The following LRCH3 variants were observed in gnomAD, a reference collection of about 807,000 sequenced individuals.
LRCH3 encodes leucine rich repeats and calponin homology domain containing 3, also known as DISP complex protein LRCH3.
LRCH3 carries 68 observed loss-of-function variants against 104.5 expected under a neutral mutation model. The observed-to-expected ratio is 0.65, with a 90% CI of 0.54 to 0.80. The LOEUF is 0.80. Ranked by LOEUF, LRCH3 falls within the 30% of genes least tolerant of loss-of-function variation. LRCH3 has a pLI of 0.00. For missense variants in LRCH3, 951 were observed against 953.9 expected (o/e 1.00, Z 0.04); for synonymous variants, 344 against 361.3 (o/e 0.95, Z 0.54).
At position 197,883,567 on chromosome 3, in the gene LRCH3, T is replaced by A; in HGVS notation, c.2235T>A (p.Ile745=). The change falls in exon 21 of 21, where the codon ATT becomes ATA. Residue 745 remains isoleucine, a synonymous_variant. Transcript: ENST00000425562. The surrounding 1 kb of genome is among the most constrained non-coding windows in gnomAD (Gnocchi z 4.2). ...PQEQLCLPLH[I]LEEKGLSQVA... The stretch of plus-strand genomic sequence containing the variant: ...AGCAATTATGTTTGCCTCTCCACAT[T>A]TTAGAAGAGAAAGGTTTGAGCCAGG... 1 of 1,536,010 alleles carries A rather than the reference T, an allele frequency of 6.5e-7. No individual in the cohort carries two copies. Among genetic ancestry groups the A allele is most frequent in the East Asian group, 2.4e-5 (1 of 40,918 alleles).
At chr3:197,798,361 A>G (rs918758273) in intron 1 of LRCH3, among the ~76,000 whole-genome samples, 1 of 152,256 alleles carries the variant, frequency 6.6e-6, no homozygotes, top group Admixed American at 6.5e-5. Flanking sequence ...CACAAGGCAA[A>G]TAAGAGTCAT....
rs559947361 is a variant in LRCH3 at position 197,829,907 on chromosome 3, T to A, written c.887+234T>A. Among the ~76,000 whole-genome samples the A allele has an allele frequency of 4.6e-5, 7 of 152,348 alleles. No homozygotes were observed. In the East Asian group the frequency reaches 1.3e-3, roughly 29 times the overall value. On this transcript the variant is annotated intron_variant, in intron 6 of 20. Transcript: ENST00000425562. ...TAGATCAGATAATTCTTTGTTGTGATGGGCTGTCCTGTACATTGTAAGACA... is the reference window on the plus strand; with the variant it reads ...TAGATCAGATAATTCTTTGTTGTGAAGGGCTGTCCTGTACATTGTAAGACA...
chr3:197,854,471 T>G lies in LRCH3; in HGVS notation c.1644+26T>G. ...GTAAGAGTTTTGCACAAAACGGAGT[T>G]TCGCATTTCTGTGTTTAGAGATTGT... On this transcript the variant is annotated intron_variant, in intron 14 of 20. Transcript: ENST00000425562. This position sits in a 1 kb window ranked among gnomAD's most constrained non-coding sequence, Gnocchi z 4.5. 2 of 1,607,526 alleles carry G rather than the reference T, an allele frequency of 1.2e-6. No individual in the cohort carries two copies. Among genetic ancestry groups the G allele is most frequent in the Non-Finnish European group, 1.7e-6 (2 of 1,173,934 alleles).
At chr3:197,829,455 T>C in intron 5 of LRCH3, 109 bp from the exon 6 acceptor site, 2 of 605,190 alleles carry the variant, frequency 3.3e-6, no homozygotes, top group Non-Finnish European at 5.7e-6. Flanking sequence ...ATGTACTTGA[T>C]AGAAATGCCT....
intron 20 of LRCH3, among the ~76,000 whole-genome samples, chr3:197,879,455 G>C (rs911665713): frequency 6.6e-6 from 1 of 151,150 alleles, no homozygotes; most frequent in African/African-American, 2.5e-5. Flanking sequence ...GACCATCCTG[G>C]CTAACATGGT....
chr3:197,879,974 C>G (rs576117237), intron 20 of LRCH3, among the ~76,000 whole-genome samples: 9 of 148,538 alleles, frequency 6.1e-5, no homozygotes, highest in Non-Finnish European at 8.9e-5. Context: ...GAGACGGAGT[C>G]TCGCTCTGTC....
At position 197,826,879 on chromosome 3, in the gene LRCH3, G is replaced by A. The variant is rs775125432; in HGVS notation, c.642G>A (p.Glu214=). 13 of 1,614,076 alleles carry A rather than the reference G, an allele frequency of 8.1e-6. No individual in the cohort carries two copies. In the East Asian group the frequency reaches 2.7e-4, roughly 33 times the overall value. ...CATTTCCATTTTACCTTCTTGCAGA[G>A]CTGGCGGAGTTGCCTTTGATACGGT... The part of the protein sequence containing the change: ...RRNHLVHLPE[E]LAELPLIRLD... The change falls in exon 5 of 21, where the codon GAG becomes GAA. Residue 214 remains glutamate (E), a splice_region_variant and synonymous_variant. Coordinates refer to ENST00000425562, the MANE Select transcript of LRCH3 (RefSeq NM_001365715.1).
chr3:197,814,909 C>A lies in LRCH3; in HGVS notation c.264C>A (p.Asp88Glu). The A allele has an allele frequency of 6.3e-7, 1 of 1,589,162 alleles. No homozygotes were observed. The highest frequency in any genetic ancestry group is 8.5e-7 in the Non-Finnish European group (1 of 1,171,982). Reference sequence around the variant, plus strand: ...AACCTAATTTAATTTTTCTTTTAGACCTGTCGCGAAATCGCCTTTCAGAAA... The same window carrying A: ...AACCTAATTTAATTTTTCTTTTAGAACTGTCGCGAAATCGCCTTTCAGAAA... ...NHDLTDTTRADLSRNRLSEIP... is the reference protein window; with the variant it reads ...NHDLTDTTRAELSRNRLSEIP... Residue 88 changes from aspartate to glutamate, a missense_variant and splice_region_variant, in exon 2 of 21, where the codon GAC becomes GAA. Asp to Glu is a conservative substitution (Grantham distance 45, BLOSUM62 2). Coordinates refer to ENST00000425562, the MANE Select transcript of LRCH3 (RefSeq NM_001365715.1).
At chr3:197,792,577 T>TTATTTATATATATATATATATATATA (rs1352243221) in intron 1 of LRCH3, among the ~76,000 whole-genome samples, 3 of 20,346 alleles carry the variant, frequency 1.5e-4, no homozygotes, top group African/African-American at 3.5e-4. Flanking sequence ...CCAGCTAATT[T>TTATTTATATATATATATATATATATA]TATATATATA....
chr3:197,883,131 T>C lies in LRCH3; in HGVS notation c.2209-410T>C. ...GTGGTAGGGAACTTACCCTCAAGTGTAGTATCTTTTACTCTTGAGCCATCT... is the reference window on the plus strand; with the variant it reads ...GTGGTAGGGAACTTACCCTCAAGTGCAGTATCTTTTACTCTTGAGCCATCT... On this transcript the variant is annotated intron_variant, in intron 20 of 20. Transcript: ENST00000425562. This position sits in a 1 kb window ranked among gnomAD's most constrained non-coding sequence, Gnocchi z 4.2. The C allele has an allele frequency of 1.0e-6, 1 of 987,384 alleles. No homozygotes were observed. The highest frequency in any genetic ancestry group is 1.2e-6 in the Non-Finnish European group (1 of 831,278). The allele number at this position is 987,384 out of a possible 1,614,324, so 61.2% of individuals were successfully genotyped here.
intron 9 of LRCH3, among the ~76,000 whole-genome samples, chr3:197,838,087 C>T (rs1160447248): frequency 6.6e-6 from 1 of 151,732 alleles, no homozygotes; most frequent in Non-Finnish European, 1.5e-5. Context: ...GGTGGTAAGC[C>T]ACTGGTACAG....
chr3:197,846,172 G>C (rs1013920142), intron 10 of LRCH3, among the ~76,000 whole-genome samples: 1 of 152,110 alleles, frequency 6.6e-6, no homozygotes, highest in East Asian at 1.9e-4. Context: ...AGGCCTCGGT[G>C]GGTGGATCAC....
At position 197,870,272 on chromosome 3, in the gene LRCH3, G is replaced by A. The variant is rs1711994080; in HGVS notation, c.1986G>A (p.Leu662=). Reference sequence around the variant, plus strand: ...AAGAGCTGGAATTAATAGACCAACTGCGTAAAGTATGTACATTACCTTTGA... The same window carrying A: ...AAGAGCTGGAATTAATAGACCAACTACGTAAAGTATGTACATTACCTTTGA... ...REEELELIDQ[L]RKHIEYRLKV... The change falls in exon 18 of 21, where the codon CTG becomes CTA. Residue 662 remains leucine, a synonymous_variant. Coordinates refer to ENST00000425562, the MANE Select transcript of LRCH3 (RefSeq NM_001365715.1). 6.2e-7 allele frequency: 1 copy of A among 1,612,614 alleles called. No homozygotes were observed. The highest frequency in any genetic ancestry group is 8.5e-7 in the Non-Finnish European group (1 of 1,178,756).
In LRCH3 at chr3:197,880,097, C is replaced by T. The variant is rs986329601; in HGVS notation, c.2209-3444C>T. ...AGTAGCTGGGACTACAGGCGCCCGCCACCACGCCCGGCTAATTTTTTGTAT... is the reference window on the plus strand; with the variant it reads ...AGTAGCTGGGACTACAGGCGCCCGCTACCACGCCCGGCTAATTTTTTGTAT... On this transcript the variant is annotated intron_variant, in intron 20 of 20. Coordinates refer to ENST00000425562, the MANE Select transcript of LRCH3 (RefSeq NM_001365715.1). Among the ~76,000 whole-genome samples, 55 of 151,350 alleles carry T rather than the reference C, an allele frequency of 3.6e-4. 1 individual carries two copies. Among genetic ancestry groups the T allele is most frequent in the East Asian group, 1.2e-3 (6 of 5,168 alleles).
chr3:197,803,682 C>T lies in LRCH3; in HGVS notation c.263-11226C>T, dbSNP rs926146773. ...TGTTTAAAAAAAAAAAAAGAATTTG[C>T]TCCTTTACTCTAAAAGTTATTTTGG... On this transcript the variant is annotated intron_variant, in intron 1 of 20. Coordinates refer to ENST00000425562, the MANE Select transcript of LRCH3 (RefSeq NM_001365715.1). Among the ~76,000 whole-genome samples the T allele has an allele frequency of 3.3e-5, 5 of 151,886 alleles. No individual in the cohort carries two copies. In the South Asian group the frequency reaches 8.3e-4, roughly 25 times the overall value.
rs1373688796 is a variant in LRCH3, at chr3:197,824,966, G to A, written c.641-1912G>A. On this transcript the variant is annotated intron_variant, in intron 4 of 20. Coordinates refer to ENST00000425562, the MANE Select transcript of LRCH3 (RefSeq NM_001365715.1). ...CTGTTTTGCTGGAGGACATCTCCTA[G>A]TAGCTTCCCAAGAACACGTCATGGG... is the stretch of plus-strand genomic sequence containing the variant. Among the ~76,000 whole-genome samples, 3 of 152,294 alleles carry A rather than the reference G, an allele frequency of 2.0e-5. No individual in the cohort carries two copies. In the East Asian group the frequency reaches 5.8e-4, roughly 29 times the overall value.
chr3:197,879,618 AAAAAAAT>A (rs1462889001), intron 20 of LRCH3, among the ~76,000 whole-genome samples: 2 of 151,832 alleles, frequency 1.3e-5, no homozygotes, highest in East Asian at 1.9e-4. Context: ...CTCCGTCTCA[AAAAAAAT>A]AAAAAATAAA....
intron 3 of LRCH3, among the ~76,000 whole-genome samples, chr3:197,818,311 C>A (rs1734087664): frequency 6.6e-6 from 1 of 152,110 alleles, no homozygotes; most frequent in African/African-American, 2.4e-5. Flanking sequence ...AAATAACTTG[C>A]CTAAGGTTAT....
chr3:197,847,197 C>T (rs556385581), intron 10 of LRCH3, among the ~76,000 whole-genome samples: 2 of 152,166 alleles, frequency 1.3e-5, no homozygotes, highest in Admixed American at 1.3e-4. Flanking sequence ...CCACATGAAA[C>T]GTGAGTTGGA....
Sources: allele counts gnomAD v4.1 joint callset (sites outside exome capture counted in the v4.1 genomes callset), GRCh38; gene constraint gnomAD v4.1.1; non-coding constraint Gnocchi (gnomAD v3.1); transcripts MANE v1.5; gene names NCBI Gene and HGNC (gene_info 2026-07-23, HGNC 2026-07-21).